CTTNBP2: variants seen among roughly 807,000 people sequenced by gnomAD.
CTTNBP2 encodes cortactin-binding protein 2.
A neutral mutation model predicts 156.9 loss-of-function variants in CTTNBP2; 108 were observed. That is an observed-to-expected ratio of 0.69 (90% CI 0.59 to 0.81). The LOEUF (loss-of-function observed/expected upper bound fraction) is 0.81, where lower values mean the gene tolerates loss of function less well. Among genes scored for constraint, CTTNBP2 ranks in the 30% least tolerant of loss-of-function variants. CTTNBP2 has a pLI of 0.00. For missense variants in CTTNBP2, 1,924 were observed against 2,035.4 expected, an observed-to-expected ratio of 0.95 and a Z score of 1.05; for synonymous variants, 767 against 751.8, an observed-to-expected ratio of 1.02 and a Z score of -0.33.
chr7:117,829,597 A>T (rs1801484723), intron 2 of CTTNBP2, among the ~76,000 whole-genome samples: 1 of 152,190 alleles, frequency 6.6e-6, no homozygotes, highest in African/African-American at 2.4e-5. Context: ...AGGGATCCAC[A>T]TATGCTCACG....
At chr7:117,814,409 G>A (rs1392724431) in intron 2 of CTTNBP2, among the ~76,000 whole-genome samples, 1 of 152,032 alleles carries the variant, frequency 6.6e-6, no homozygotes, top group Non-Finnish European at 1.5e-5. Context: ...ACATGTACAG[G>A]TTCATAAACA....
chr7:117,787,226 C>T (rs780730197), intron 4 of CTTNBP2, among the ~76,000 whole-genome samples: 32 of 152,166 alleles, frequency 2.1e-4, no homozygotes, highest in Non-Finnish European at 4.0e-4. Flanking sequence ...CAGAACAGAC[C>T]GGTATTCATA....
chr7:117,831,361 C>T (rs548861588), intron 2 of CTTNBP2, among the ~76,000 whole-genome samples: 4 of 149,734 alleles, frequency 2.7e-5, no homozygotes, highest in South Asian at 4.2e-4. Flanking sequence ...GAGCTCTTAA[C>T]ATTTCTCCAG....
chr7:117,755,618 TAAATA>T (rs1194182526), intron 12 of CTTNBP2: 3 of 461,020 alleles, frequency 6.5e-6, no homozygotes, highest in Non-Finnish European at 1.3e-5. Context: ...TTTTGAAGAA[TAAATA>T]AAATAAGTCA....
At chr7:117,867,234 A>T (rs1804258929) in intron 1 of CTTNBP2, among the ~76,000 whole-genome samples, 2 of 152,144 alleles carry the variant, frequency 1.3e-5, no homozygotes, top group African/African-American at 4.8e-5. Flanking sequence ...ATGGGGTTGC[A>T]TACCTCTGAT....
Position 117,780,619 on chromosome 7 carries a change from T to C in CTTNBP2, c.2373-28A>G. 2.0e-6 allele frequency: 3 copies of C among 1,495,148 alleles called. No homozygotes were observed. In the South Asian group the frequency reaches 4.1e-5, roughly 20 times the overall value. The allele number at this position is 1,495,148 out of a possible 1,614,324, so 92.6% of individuals were successfully genotyped here. On this transcript the variant is annotated intron_variant, in intron 6 of 22. Transcript: ENST00000160373. ...AAACACAAGATTAGGATTAATTACA[T>C]AAAACCTGGGTTTGACCTTTGAAGC...
intron 9 of CTTNBP2, among the ~76,000 whole-genome samples, chr7:117,765,283 C>CCTTATGG (rs1797426525): frequency 6.6e-6 from 1 of 152,160 alleles, no homozygotes; most frequent in Admixed American, 6.5e-5. Flanking sequence ...TTATCATAAG[C>CCTTATGG]CTTATGGAAG....
At chr7:117,868,675 A>G (rs1584591717) in intron 1 of CTTNBP2, among the ~76,000 whole-genome samples, 1 of 152,228 alleles carries the variant, frequency 6.6e-6, no homozygotes, top group East Asian at 1.9e-4. Flanking sequence ...AACTACCAAC[A>G]GAAAAGACAA....
chr7:117,783,236 G>A (rs1232058572), intron 5 of CTTNBP2, among the ~76,000 whole-genome samples: 1 of 152,018 alleles, frequency 6.6e-6, no homozygotes, highest in Non-Finnish European at 1.5e-5. Context: ...GGGAAGAGTT[G>A]CTGCTGAGTA....
intron 2 of CTTNBP2, among the ~76,000 whole-genome samples, chr7:117,818,471 T>G (rs759240039): frequency 6.6e-6 from 1 of 152,140 alleles, no homozygotes; most frequent in Non-Finnish European, 1.5e-5. Flanking sequence ...GGAAGAAATG[T>G]GAGTCAGTTC....
At chr7:117,736,522 A>C (rs1795716602) in intron 14 of CTTNBP2, among the ~76,000 whole-genome samples, 1 of 152,194 alleles carries the variant, frequency 6.6e-6, no homozygotes, top group Admixed American at 6.5e-5. Context: ...AGGCTGAAGT[A>C]ATTTGTGGTC....
intron 9 of CTTNBP2, among the ~76,000 whole-genome samples, chr7:117,761,147 G>A (rs1027398494): frequency 2.6e-5 from 4 of 152,162 alleles, no homozygotes; most frequent in Admixed American, 2.0e-4. Flanking sequence ...TAGACCTTGG[G>A]TTGAACCGCA....
chr7:117,728,821 G>A (rs562516663), intron 16 of CTTNBP2, among the ~76,000 whole-genome samples: 31 of 152,228 alleles, frequency 2.0e-4, no homozygotes, highest in East Asian at 1.9e-3. Flanking sequence ...ACAGCATCTC[G>A]CTGAAATAAT....
chr7:117,725,687 A>G (rs947036057), intron 17 of CTTNBP2, among the ~76,000 whole-genome samples: 2 of 148,416 alleles, frequency 1.3e-5, no homozygotes, highest in Non-Finnish European at 3.0e-5. Flanking sequence ...TGAAATTGGG[A>G]TACTTTTTTT....
intron 8 of CTTNBP2, among the ~76,000 whole-genome samples, chr7:117,769,851 C>A (rs1481632841): frequency 6.6e-6 from 1 of 152,180 alleles, no homozygotes; most frequent in Non-Finnish European, 1.5e-5. Flanking sequence ...TAGGTAAGAG[C>A]CACAACAGAC....
intron 12 of CTTNBP2, among the ~76,000 whole-genome samples, chr7:117,749,950 T>G (rs1796537851): frequency 6.6e-6 from 1 of 152,190 alleles, no homozygotes; most frequent in African/African-American, 2.4e-5. Flanking sequence ...GCTAGCCAGG[T>G]GCAATTTTAA....
chr7:117,810,570 G>C (rs1482984617), intron 3 of CTTNBP2, among the ~76,000 whole-genome samples, 195 bp downstream of exon 3: 4 of 152,104 alleles, frequency 2.6e-5, no homozygotes, highest in Non-Finnish European at 5.9e-5. Context: ...CTTCCTTTAT[G>C]GTTTAGTGTT....
intron 10 of CTTNBP2, 41 bp downstream of exon 10, chr7:117,760,394 C>G (rs1227515417): frequency 6.9e-6 from 11 of 1,584,672 alleles, no homozygotes; most frequent in Non-Finnish European, 9.5e-6. Flanking sequence ...ATAAATAAAC[C>G]CAGAAATTTC....
intron 19 of CTTNBP2, 89 bp from the exon 20 acceptor site, chr7:117,721,219 A>G: frequency 2.4e-6 from 2 of 827,940 alleles, no homozygotes; most frequent in African/African-American, 1.7e-5. Flanking sequence ...TGGACTTTGC[A>G]GTACTTTCAT....
Sources: allele counts gnomAD v4.1 joint callset (sites outside exome capture counted in the v4.1 genomes callset), GRCh38; gene constraint gnomAD v4.1.1; transcripts MANE v1.5; gene names NCBI Gene and HGNC (gene_info 2026-07-23, HGNC 2026-07-21).